Variants in SCHIP1 observed in about 807,000 individuals in gnomAD.
SCHIP1 encodes schwannomin-interacting protein 1.
A neutral mutation model predicts 29.7 loss-of-function variants in SCHIP1; 8 were observed. That is an observed-to-expected ratio of 0.27 (90% CI 0.16 to 0.49). The LOEUF (loss-of-function observed/expected upper bound fraction) is 0.49, where lower values mean the gene tolerates loss of function less well. Among genes scored for constraint, SCHIP1 ranks in the 20% least tolerant of loss-of-function variants. The probability of loss-of-function intolerance (pLI) is 0.99; values close to 1 mark genes in which losing one functional copy is unlikely to be tolerated. For synonymous variants in SCHIP1, 76 were observed against 94.9 expected (o/e 0.80, Z 1.16); for missense variants, 193 against 294.6 (o/e 0.66, Z 2.52).
chr3:159,346,315 T>C, the SCHIP1 span, among the ~76,000 whole-genome samples: 1 of 145,694 alleles, frequency 6.9e-6, no homozygotes, highest in African/African-American at 2.5e-5. Flanking sequence ...CAACATTCAA[T>C]GAAAGATTTG....
At chr3:159,806,905 G>A in the SCHIP1 span, among the ~76,000 whole-genome samples, 1 of 152,216 alleles carries the variant, frequency 6.6e-6, no homozygotes, top group African/African-American at 2.4e-5. Flanking sequence ...GAAAAGGAGT[G>A]ACTGGAAAAC....
the SCHIP1 span, among the ~76,000 whole-genome samples, chr3:159,582,208 T>C: frequency 2.0e-5 from 3 of 152,258 alleles, no homozygotes; most frequent in East Asian, 5.8e-4. Flanking sequence ...GGTCTCACTG[T>C]TCCCCAGGCT....
the SCHIP1 span, among the ~76,000 whole-genome samples, chr3:159,367,411 A>G: frequency 6.6e-6 from 1 of 152,044 alleles, no homozygotes; most frequent in Non-Finnish European, 1.5e-5. Context: ...AAAAAAAAAA[A>G]AAGTCTCCAG....
At chr3:159,311,786 C>T in the SCHIP1 span, among the ~76,000 whole-genome samples, 1 of 152,142 alleles carries the variant, frequency 6.6e-6, no homozygotes, top group African/African-American at 2.4e-5. Flanking sequence ...AATTATGATA[C>T]TCTTCATGAT....
chr3:159,769,868 G>A, the SCHIP1 span, among the ~76,000 whole-genome samples: 1 of 152,232 alleles, frequency 6.6e-6, no homozygotes, highest in Non-Finnish European at 1.5e-5. Context: ...GCATATGTAT[G>A]TGTTTTGACA....
At chr3:159,290,311 G>A in the SCHIP1 span, among the ~76,000 whole-genome samples, 7 of 152,052 alleles carry the variant, frequency 4.6e-5, no homozygotes, top group African/African-American at 1.7e-4. Flanking sequence ...GCAGGAAGGG[G>A]GTGGTAAATA....
At chr3:159,565,800 GATATT>G in the SCHIP1 span, among the ~76,000 whole-genome samples, 3 of 152,100 alleles carry the variant, frequency 2.0e-5, no homozygotes, top group African/African-American at 7.2e-5. Context: ...TAGATAAAAT[GATATT>G]ATATTATGTG....
chr3:159,305,733 A>C, the SCHIP1 span, among the ~76,000 whole-genome samples: 1 of 152,224 alleles, frequency 6.6e-6, no homozygotes, highest in African/African-American at 2.4e-5. Context: ...CAGGTTTATT[A>C]GTTAGGTGTT....
At chr3:159,896,995 T>C in exon 7 of SCHIP1, 1 of 430,190 alleles carries the variant, frequency 2.3e-6, no homozygotes, top group Non-Finnish European at 4.1e-6. Context: ...TTACAAAAAA[T>C]GTACAGTACT....
the SCHIP1 span, chr3:159,721,519 C>A: frequency 1.2e-5 from 2 of 171,740 alleles, no homozygotes; most frequent in Non-Finnish European, 2.5e-5. Flanking sequence ...TTCTACACAT[C>A]TCAGTACTGC....
chr3:159,573,334 C>T, the SCHIP1 span, among the ~76,000 whole-genome samples: 1 of 152,122 alleles, frequency 6.6e-6, no homozygotes, highest in African/African-American at 2.4e-5. Flanking sequence ...TCAGCATTTG[C>T]TTGTCTATAA....
chr3:159,343,495 C>T, the SCHIP1 span, among the ~76,000 whole-genome samples: 1 of 152,196 alleles, frequency 6.6e-6, no homozygotes, highest in Non-Finnish European at 1.5e-5. Flanking sequence ...CACATCTGCT[C>T]TATGTGTCAC....
chr3:159,317,726 G>C, the SCHIP1 span, among the ~76,000 whole-genome samples: 2 of 152,214 alleles, frequency 1.3e-5, no homozygotes, highest in African/African-American at 2.4e-5. Context: ...TTCTTTAGCT[G>C]TAGAGTGAGT....
At chr3:159,292,830 A>G in the SCHIP1 span, among the ~76,000 whole-genome samples, 1 of 152,202 alleles carries the variant, frequency 6.6e-6, no homozygotes, top group Non-Finnish European at 1.5e-5. Context: ...GGATATTGGC[A>G]TCGTACTTTT....
At chr3:159,451,342 G>C in the SCHIP1 span, among the ~76,000 whole-genome samples, 1 of 152,196 alleles carries the variant, frequency 6.6e-6, no homozygotes, top group Non-Finnish European at 1.5e-5. Flanking sequence ...CAAAGACACT[G>C]TTTTCAAAAT....
the SCHIP1 span, among the ~76,000 whole-genome samples, chr3:159,320,013 T>C: frequency 2.6e-5 from 4 of 152,220 alleles, no homozygotes; most frequent in Admixed American, 2.0e-4. Flanking sequence ...AGTAATGTGA[T>C]GGCATTAGAA....
At chr3:159,539,083 T>C in the SCHIP1 span, among the ~76,000 whole-genome samples, 1 of 152,088 alleles carries the variant, frequency 6.6e-6, no homozygotes, top group African/African-American at 2.4e-5. Context: ...GTTCAGGCTT[T>C]AGGATAAAAA....
At chr3:159,830,649 G>A in the SCHIP1 span, among the ~76,000 whole-genome samples, 1 of 152,070 alleles carries the variant, frequency 6.6e-6, no homozygotes, top group Non-Finnish European at 1.5e-5. Context: ...TCAGAGTATT[G>A]TTGGAAGTGG....
the SCHIP1 span, among the ~76,000 whole-genome samples, chr3:159,432,981 T>A: frequency 2.6e-5 from 4 of 152,116 alleles, no homozygotes; most frequent in Non-Finnish European, 4.4e-5. Flanking sequence ...GGGCAGCCCT[T>A]GTAAAGTAAA....
Sources: allele counts gnomAD v4.1 joint callset (sites outside exome capture counted in the v4.1 genomes callset), GRCh38; gene constraint gnomAD v4.1.1; transcripts MANE v1.5; gene names NCBI Gene and HGNC (gene_info 2026-07-23, HGNC 2026-07-21).